MYT1: variants seen among roughly 807,000 people sequenced by gnomAD.
MYT1 encodes the protein myelin transcription factor 1.
Under a neutral mutation model 123.0 loss-of-function variants are expected in MYT1, and 23 were observed. The ratio of observed to expected loss-of-function variants is 0.19; its 90% CI spans 0.13 to 0.26. MYT1 has a LOEUF of 0.26. Ranked by LOEUF, MYT1 falls within the 10% of genes least tolerant of loss-of-function variation. MYT1 has a pLI of 1.00. For synonymous variants in MYT1, 518 were observed against 575.3 expected, an observed-to-expected ratio of 0.90 and a Z score of 1.43; for missense variants, 1,125 against 1,472.5, an observed-to-expected ratio of 0.76 and a Z score of 3.86.
chr20:64,225,166 C>T (rs1984131540), intron 16 of MYT1, among the ~76,000 whole-genome samples: 2 of 152,190 alleles, frequency 1.3e-5, no homozygotes, highest in Admixed American at 6.5e-5. Flanking sequence ...CCGACCACTG[C>T]ATGAGCTTGG....
rs150842422 is a variant in MYT1, at chr20:64,223,992, G to C, written c.2528+633G>C. Among the ~76,000 whole-genome samples, 24 of 152,278 alleles carry C rather than the reference G, an allele frequency of 1.6e-4. No homozygotes were observed. The East Asian group carries it at 4.5e-3, about 28-fold the overall frequency. On this transcript the variant is annotated intron_variant, in intron 16 of 22. Transcript: ENST00000328439. Reference sequence around the variant, plus strand: ...CTGCAGGCACCAGCTATAGCTTGCTGGACAGTCCTGCACAACCAGGCGCAA... The same window carrying C: ...CTGCAGGCACCAGCTATAGCTTGCTCGACAGTCCTGCACAACCAGGCGCAA...
chr20:64,204,661 C>G (rs1193414456), intron 4 of MYT1, among the ~76,000 whole-genome samples: 1 of 152,226 alleles, frequency 6.6e-6, no homozygotes, highest in Non-Finnish European at 1.5e-5. Context: ...AGAATGCCAA[C>G]TTCTGTGCTT....
chr20:64,219,007 G>T lies in MYT1; in HGVS notation c.1943G>T (p.Ser648Ile). Residue 648 changes from serine to isoleucine, a missense_variant, in exon 12 of 23, where the codon AGC becomes ATC. Around this residue, in one of 4 missense-constraint regions of MYT1, gnomAD observed 429 missense variants for 604.1 expected, o/e 0.71. Coordinates refer to ENST00000328439, the MANE Select transcript of MYT1 (RefSeq NM_004535.3). The stretch of plus-strand genomic sequence containing the variant: ...TGCTGGGAGATGCCTGAGAACCTCA[G>T]CACGAAGCCACAGGACCTCCCCAGC... ...TRCWEMPENL[S>I]TKPQDLPSKS... 2 of 1,613,694 alleles carry T rather than the reference G, an allele frequency of 1.2e-6. No individual in the cohort carries two copies. The highest frequency in any genetic ancestry group is 1.1e-5 in the South Asian group (1 of 91,080).
chr20:64,206,155 G>A (rs1002697678), intron 6 of MYT1, among the ~76,000 whole-genome samples: 1 of 152,164 alleles, frequency 6.6e-6, no homozygotes, highest in Admixed American at 6.5e-5. Context: ...AGTGGGGAAG[G>A]GAGGATCTTA....
intron 17 of MYT1, 74 bp from the exon 18 acceptor site, chr20:64,227,814 G>T: frequency 7.7e-7 from 1 of 1,297,468 alleles, no homozygotes; most frequent in Non-Finnish European, 1.1e-6. Context: ...CTTGAGGGGA[G>T]AGGGTGAGAT....
rs780385089 is a variant in MYT1 at position 64,223,274 on chromosome 20, C to T, written c.2460-17C>T. ...CCCTCTTTGGCTTACCCCAATATCC[C>T]ATCTCTTCTCTTTCAGCCTCTCTGG... On this transcript the variant is annotated splice_polypyrimidine_tract_variant and intron_variant, in intron 15 of 22. Transcript: ENST00000328439. The T allele has an allele frequency of 1.2e-6, 2 of 1,614,136 alleles. No individual in the cohort carries two copies. Among genetic ancestry groups the T allele is most frequent in the Middle Eastern group, 1.7e-4 (1 of 6,060 alleles).
Position 64,167,845 on chromosome 20 carries a change from G to A in MYT1, c.-99+3106G>A, listed in dbSNP as rs1490339649. ...CAGATGTAATTTTAACAGGAATGTTGTGGTGTGAGTTTACAGGAAAATGGT... is the reference window on the plus strand; with the variant it reads ...CAGATGTAATTTTAACAGGAATGTTATGGTGTGAGTTTACAGGAAAATGGT... On this transcript the variant is annotated intron_variant, in intron 1 of 22. Transcript: ENST00000328439. The surrounding 1 kb of genome is among the most constrained non-coding windows in gnomAD (Gnocchi z 6.3). Among the ~76,000 whole-genome samples the A allele has an allele frequency of 6.6e-6, 1 of 152,238 alleles. No homozygotes were observed. The highest frequency in any genetic ancestry group is 1.5e-5 in the Non-Finnish European group (1 of 68,042).
In MYT1 at chr20:64,208,460, A is replaced by G. The variant is rs1490339547; in HGVS notation, c.1264A>G (p.Thr422Ala). 2 of 1,610,874 alleles carry G rather than the reference A, an allele frequency of 1.2e-6. No homozygotes were observed. The highest frequency in any genetic ancestry group is 2.7e-5 in the African/African-American group (2 of 74,896). ...AGGGAAGGCAGCAAAGCCCCTGGAC[A>G]CTGTGCGGAAGAGTTACTACAGTAA... ...EPGKAAKPLDTVRKSYYSKDP... is the reference protein window; with the variant it reads ...EPGKAAKPLDAVRKSYYSKDP... The change falls in exon 7 of 23, where the codon ACT becomes GCT. Residue 422 changes from threonine (T) to alanine (A), a missense_variant. Coordinates refer to ENST00000328439, the MANE Select transcript of MYT1 (RefSeq NM_004535.3). This position sits in a 1 kb window ranked among gnomAD's most constrained non-coding sequence, Gnocchi z 5.4.
At position 64,186,374 on chromosome 20, in the gene MYT1, C is replaced by G. The variant is rs1982802550; in HGVS notation, c.-98-3689C>G. Among the ~76,000 whole-genome samples, 1 of 152,184 alleles carries G rather than the reference C, an allele frequency of 6.6e-6. No individual in the cohort carries two copies. The highest frequency in any genetic ancestry group is 1.5e-5 in the Non-Finnish European group (1 of 68,040). ...TGATGTTCCGTTTCCCATTCGCATC[C>G]ACGAGCAGGGATTCAGATTAACTCA... is the stretch of plus-strand genomic sequence containing the variant. On this transcript the variant is annotated intron_variant, in intron 1 of 22. Coordinates refer to ENST00000328439, the MANE Select transcript of MYT1 (RefSeq NM_004535.3). This position sits in a 1 kb window ranked among gnomAD's most constrained non-coding sequence, Gnocchi z 4.3.
At chr20:64,165,520 T>C (rs1221474540) in intron 1 of MYT1, among the ~76,000 whole-genome samples, 1 of 152,188 alleles carries the variant, frequency 6.6e-6, no homozygotes, top group East Asian at 1.9e-4. Context: ...TTGAATTCAC[T>C]TTCTTCTCTA....
At chr20:64,184,000 A>C (rs574675572) in intron 1 of MYT1, among the ~76,000 whole-genome samples, 3 of 151,976 alleles carry the variant, frequency 2.0e-5, no homozygotes, top group African/African-American at 7.3e-5. Flanking sequence ...TTGTATTTTC[A>C]GTAGAGACGG....
rs1984215883 is a variant in MYT1, at chr20:64,227,920, G to C, written c.2624G>C (p.Gly875Ala). The change falls in exon 18 of 23, where the codon GGA becomes GCA. Residue 875 changes from glycine to alanine, a missense_variant. By Grantham distance (60) the Gly-to-Ala change is moderately conservative. Around this residue, in one of 4 missense-constraint regions of MYT1, gnomAD observed 243 missense variants for 323.1 expected, o/e 0.75. Transcript: ENST00000328439. ...GGCTGCCCTCGTGCAAAGAAAAGTGGAGTCAAGGTGGCACCCACCAAGGAC... is the reference window on the plus strand; with the variant it reads ...GGCTGCCCTCGTGCAAAGAAAAGTGCAGTCAAGGTGGCACCCACCAAGGAC... The part of the protein sequence containing the change: ...LSGCPRAKKS[G>A]VKVAPTKDDK... 6.2e-7 allele frequency: 1 copy of C among 1,613,880 alleles called. No individual in the cohort carries two copies. Among genetic ancestry groups the C allele is most frequent in the African/African-American group, 1.3e-5 (1 of 74,920 alleles).
At chr20:64,197,144 A>G (rs1255313743) in intron 2 of MYT1, among the ~76,000 whole-genome samples, 1 of 152,266 alleles carries the variant, frequency 6.6e-6, no homozygotes, top group Non-Finnish European at 1.5e-5. Context: ...GGAAGGCTGT[A>G]ATAAACGCAC....
chr20:64,218,749 G>A lies in MYT1; in HGVS notation c.1847-162G>A. 6.9e-6 allele frequency: 5 copies of A among 726,018 alleles called. No individual in the cohort carries two copies. The highest frequency in any genetic ancestry group is 3.0e-5 in the East Asian group (1 of 32,984). The allele number at this position is 726,018 out of a possible 1,614,324, so 45.0% of individuals were successfully genotyped here. A position where few individuals can be genotyped will look rare whatever the true frequency, so the allele number is the denominator to read the frequency against. ...CCTGGGCCCTCCCATCCCTCCCAAA[G>A]TGCCCCCTCCCCACTGACTTGTCTG... is the stretch of plus-strand genomic sequence containing the variant. On this transcript the variant is annotated intron_variant, in intron 11 of 22. Transcript: ENST00000328439. The surrounding 1 kb of genome is among the most constrained non-coding windows in gnomAD (Gnocchi z 4.0).
At chr20:64,206,910 C>T (rs187842395) in intron 6 of MYT1, among the ~76,000 whole-genome samples, 56 of 152,204 alleles carry the variant, frequency 3.7e-4, no homozygotes, top group East Asian at 5.8e-4. Flanking sequence ...ATCTTAGTTT[C>T]GTTTTGTTTT....
At position 64,222,509 on chromosome 20, in the gene MYT1, G is replaced by A. The variant is rs550109568; in HGVS notation, c.2396+462G>A. On this transcript the variant is annotated intron_variant, in intron 14 of 22. Transcript: ENST00000328439. ...TCAGCCTGGCTGGCCCAGAGGCTGC[G>A]TGTCTGAGCTGGTCCGCATGGGGTT... 3.5e-4 allele frequency among the ~76,000 whole-genome samples: 54 copies of A among 152,362 alleles called. 1 individual carries two copies. Among genetic ancestry groups the A allele is most frequent in the African/African-American group, 1.2e-3 (51 of 41,582 alleles).
chr20:64,188,330 G>T (rs186283723), intron 1 of MYT1, among the ~76,000 whole-genome samples: 3 of 152,282 alleles, frequency 2.0e-5, no homozygotes, highest in Admixed American at 2.0e-4. Flanking sequence ...CTTCCCTCCA[G>T]CTGTCAGCCA....
rs1000293577 is a variant in MYT1 at position 64,202,477 on chromosome 20, C to T, written c.86+2555C>T. On this transcript the variant is annotated intron_variant, in intron 4 of 22. Transcript: ENST00000328439. This position sits in a 1 kb window ranked among gnomAD's most constrained non-coding sequence, Gnocchi z 5.0. Reference sequence around the variant, plus strand: ...TGAGACAGCGAGGCGCTGACAACACCGAGTTCAGGACCATCTCCAAGTTCA... The same window carrying T: ...TGAGACAGCGAGGCGCTGACAACACTGAGTTCAGGACCATCTCCAAGTTCA... 3.3e-5 allele frequency among the ~76,000 whole-genome samples: 5 copies of T among 152,128 alleles called. No homozygotes were observed. Among genetic ancestry groups the T allele is most frequent in the Admixed American group, 1.3e-4 (2 of 15,268 alleles).
intron 1 of MYT1, among the ~76,000 whole-genome samples, chr20:64,169,985 G>T (rs1046698645): frequency 7.1e-6 from 1 of 140,146 alleles, no homozygotes; most frequent in Non-Finnish European, 1.6e-5. Flanking sequence ...CCTTCCTGCC[G>T]AGTGCCCCAG....
Sources: allele counts gnomAD v4.1 joint callset (sites outside exome capture counted in the v4.1 genomes callset), GRCh38; gene constraint gnomAD v4.1.1; regional missense constraint gnomAD v4.1.1; non-coding constraint Gnocchi (gnomAD v3.1); transcripts MANE v1.5; gene names NCBI Gene and HGNC (gene_info 2026-07-23, HGNC 2026-07-21).